NBAS: variants seen among roughly 807,000 people sequenced by gnomAD.
NBAS encodes NBAS subunit of NRZ tethering complex, also known as NAG/BC035112 fusion.
A neutral mutation model predicts 302.5 loss-of-function variants in NBAS; 219 were observed. The observed-to-expected ratio is 0.72, with a 90% CI of 0.65 to 0.81. The LOEUF (loss-of-function observed/expected upper bound fraction) is 0.81. Among genes scored for constraint, NBAS ranks in the 30% least tolerant of loss-of-function variants. The probability of loss-of-function intolerance (pLI) is 0.00; values close to 1 mark genes in which losing one functional copy is unlikely to be tolerated. For missense variants in NBAS, 2,932 were observed against 2,841.6 expected (o/e 1.03, Z -0.72); for synonymous variants, 1,118 against 1,021.6 (o/e 1.09, Z -1.80).
At chr2:14,916,968 G>A in the NBAS span, among the ~76,000 whole-genome samples, 3 of 152,340 alleles carry the variant, frequency 2.0e-5, no homozygotes, top group Non-Finnish European at 2.9e-5. Context: ...CAACACGTGT[G>A]CTTTTTTAGG....
chr2:14,848,030 C>A, the NBAS span, among the ~76,000 whole-genome samples: 43 of 152,196 alleles, frequency 2.8e-4, no homozygotes, highest in Middle Eastern at 6.8e-3. Flanking sequence ...CCTGAATGAC[C>A]AATATGTCAA....
chr2:15,267,813 T>C (rs989032712), intron 44 of NBAS, among the ~76,000 whole-genome samples: 18 of 152,306 alleles, frequency 1.2e-4, no homozygotes, highest in African/African-American at 4.3e-4. Flanking sequence ...AAAATTAACT[T>C]ACTTATAAAC....
At chr2:14,962,734 T>C in the NBAS span, among the ~76,000 whole-genome samples, 1 of 152,128 alleles carries the variant, frequency 6.6e-6, no homozygotes, top group South Asian at 2.1e-4. Flanking sequence ...TCATTAGCCA[T>C]TGACGCTCCA....
the NBAS span, among the ~76,000 whole-genome samples, chr2:15,080,150 A>G: frequency 6.6e-6 from 1 of 152,194 alleles, no homozygotes. Flanking sequence ...TGTTCCATCC[A>G]AGAAAGAGAA....
intron 3 of NBAS, 82 bp downstream of exon 3, chr2:15,556,701 A>C (rs372056007): frequency 7.7e-7 from 1 of 1,300,556 alleles, no homozygotes. Flanking sequence ...TCTAGAATTC[A>C]ATTATGAAAA....
chr2:15,377,180 C>T (rs1674783810), intron 30 of NBAS, among the ~76,000 whole-genome samples: 1 of 151,904 alleles, frequency 6.6e-6, no homozygotes, highest in South Asian at 2.1e-4. Flanking sequence ...ATTCCTTATG[C>T]CTCAAAATAA....
chr2:14,888,417 C>T, the NBAS span, among the ~76,000 whole-genome samples: 2 of 151,916 alleles, frequency 1.3e-5, no homozygotes, highest in Admixed American at 1.3e-4. Context: ...AGGCGTGAGC[C>T]ACCATGCCTG....
At chr2:15,096,183 T>C in the NBAS span, among the ~76,000 whole-genome samples, 4 of 152,230 alleles carry the variant, frequency 2.6e-5, no homozygotes, top group Non-Finnish European at 4.4e-5. Context: ...TGAACAGTTG[T>C]CCTTCACCTA....
intron 38 of NBAS, among the ~76,000 whole-genome samples, 187 bp downstream of exon 38, chr2:15,327,560 TAGC>T (rs1672127724): frequency 6.6e-6 from 1 of 152,180 alleles, no homozygotes; most frequent in South Asian, 2.1e-4. Flanking sequence ...ATCCTGAAAA[TAGC>T]AGGTTCTCAA....
the NBAS span, among the ~76,000 whole-genome samples, chr2:14,894,076 A>G: frequency 6.6e-6 from 1 of 152,232 alleles, no homozygotes; most frequent in African/African-American, 2.4e-5. Flanking sequence ...ACTTAGGAGT[A>G]TATTTCTTAA....
At chr2:15,343,458 CAA>C (rs1672949321) in intron 35 of NBAS, among the ~76,000 whole-genome samples, 1 of 152,034 alleles carries the variant, frequency 6.6e-6, no homozygotes, top group South Asian at 2.1e-4. Context: ...ATAATTGTAA[CAA>C]AAATTCAGCC....
chr2:15,475,422 T>C (rs145353546), intron 14 of NBAS, among the ~76,000 whole-genome samples: 113 of 152,258 alleles, frequency 7.4e-4, no homozygotes, highest in African/African-American at 2.4e-3. Context: ...TTTAAATGAC[T>C]AATCGAGGGA....
intron 7 of NBAS, among the ~76,000 whole-genome samples, chr2:15,538,652 C>G (rs957318188): frequency 6.6e-6 from 1 of 152,144 alleles, no homozygotes; most frequent in Non-Finnish European, 1.5e-5. Context: ...CTAAAAAGCA[C>G]TATATTCCTA....
At chr2:14,976,114 T>A in the NBAS span, among the ~76,000 whole-genome samples, 1,389 of 152,282 alleles carry the variant, frequency 9.1e-3, 24 homozygotes, top group African/African-American at 0.031. Context: ...TGGGGGCAGA[T>A]GTAGAGCTAA....
At chr2:14,918,815 G>C in the NBAS span, among the ~76,000 whole-genome samples, 1 of 152,102 alleles carries the variant, frequency 6.6e-6, no homozygotes, top group Non-Finnish European at 1.5e-5. Context: ...AAGTTTTCTC[G>C]GTGATCCAGT....
intron 36 of NBAS, among the ~76,000 whole-genome samples, chr2:15,329,103 T>C (rs1365298079): frequency 6.6e-6 from 1 of 152,212 alleles, no homozygotes; most frequent in East Asian, 1.9e-4. Flanking sequence ...TTAATTATGT[T>C]TTGCTCTCTC....
chr2:15,075,289 C>A, the NBAS span, among the ~76,000 whole-genome samples: 1 of 152,160 alleles, frequency 6.6e-6, no homozygotes. Context: ...TGCTGCAGAT[C>A]CATTCTCCAC....
intron 44 of NBAS, among the ~76,000 whole-genome samples, chr2:15,267,030 T>C (rs910577513): frequency 6.6e-5 from 10 of 152,232 alleles, no homozygotes; most frequent in African/African-American, 2.4e-4. Context: ...CAATGACATC[T>C]TACAAAAAGC....
chr2:15,337,446 C>T (rs1315710967), intron 35 of NBAS, among the ~76,000 whole-genome samples: 2 of 151,294 alleles, frequency 1.3e-5, no homozygotes, highest in Admixed American at 6.6e-5. Flanking sequence ...TCCCCAAAAA[C>T]CTATGGAAAT....
Sources: allele counts gnomAD v4.1 joint callset (sites outside exome capture counted in the v4.1 genomes callset), GRCh38; gene constraint gnomAD v4.1.1; transcripts MANE v1.5; gene names NCBI Gene and HGNC (gene_info 2026-07-23, HGNC 2026-07-21).